Variants in C8orf76 observed in about 807,000 individuals in gnomAD.
The protein encoded by C8orf76 is uncharacterized protein C8orf76.
C8orf76 carries 46 observed loss-of-function variants against 38.1 expected under a neutral mutation model. The observed-to-expected ratio is 1.21, with a 90% CI of 0.95 to 1.54. C8orf76 has a LOEUF of 1.54. Among genes scored for constraint, C8orf76 ranks in the 40% most tolerant of loss-of-function variants. The pLI, the probability that C8orf76 is intolerant of heterozygous loss-of-function variation, is 0.00. For missense variants in C8orf76, 461 were observed against 441.6 expected (o/e 1.04, Z -0.39); for synonymous variants, 166 against 167.5 (o/e 0.99, Z 0.07).
At chr8:123,235,751 T>G (rs1586809876) in intron 3 of C8orf76, among the ~76,000 whole-genome samples, 1 of 151,842 alleles carries the variant, frequency 6.6e-6, no homozygotes, top group East Asian at 1.9e-4. Context: ...CCGAAACAGA[T>G]TCCCTAAGCT....
intron 1 of C8orf76, chr8:123,239,693 T>C (rs1825614648): frequency 6.6e-6 from 1 of 152,460 alleles, no homozygotes. Context: ...GCTTGACTAT[T>C]GAATAAATAA....
Position 123,241,215 on chromosome 8 carries a change from G to T in C8orf76, c.117+15C>A. ...CTGGGGCCCGGGATAAGGCGAAGAG[G>T]CCCCAGCTTCTCACCTGCGGCTCGC... is the stretch of plus-strand genomic sequence containing the variant. On this transcript the variant is annotated intron_variant, in intron 1 of 5. Transcript: ENST00000276704. 1 of 1,580,496 alleles carries T rather than the reference G, an allele frequency of 6.3e-7. No individual in the cohort carries two copies. Among genetic ancestry groups the T allele is most frequent in the Non-Finnish European group, 8.6e-7 (1 of 1,168,206 alleles).
intron 3 of C8orf76, among the ~76,000 whole-genome samples, chr8:123,232,993 C>T (rs932066726): frequency 4.6e-5 from 7 of 152,120 alleles, no homozygotes; most frequent in African/African-American, 1.7e-4. Flanking sequence ...TCTTCTGTAA[C>T]CAGTCTATAG....
In C8orf76 at chr8:123,239,143, C is replaced by T; in HGVS notation, c.119G>A (p.Trp40Ter). Residue 40 changes from tryptophan (W) to a stop codon, truncating the protein, a stop_gained and splice_region_variant, in exon 2 of 6, where the codon TGG (tryptophan) becomes TAG (stop). Coordinates refer to ENST00000276704, the MANE Select transcript of C8orf76 (RefSeq NM_032847.3). LOFTEE classifies it high-confidence loss of function. ...SYCAKLCEPQ[W>*]FYEETESSDD... ...ACTGCTTTCTGTTTCTTCATAAAAC[C>T]ACTTGAAATCATGAAAATAGCCTAT... The T allele has an allele frequency of 1.9e-6, 3 of 1,613,894 alleles. No individual in the cohort carries two copies. Among genetic ancestry groups the T allele is most frequent in the Non-Finnish European group, 2.5e-6 (3 of 1,179,918 alleles).
intron 4 of C8orf76, among the ~76,000 whole-genome samples, chr8:123,229,052 C>G (rs565346465): frequency 6.6e-6 from 1 of 152,358 alleles, no homozygotes; most frequent in South Asian, 2.1e-4. Context: ...CCTCTGCCAC[C>G]CTGGCACTGT....
chr8:123,226,242 A>G, intron 5 of C8orf76: 3 of 1,333,760 alleles, frequency 2.2e-6, no homozygotes, highest in Non-Finnish European at 2.9e-6. Context: ...ATTATTGGGC[A>G]TTGATGATGT....
At chr8:123,236,560 G>A (rs1411755814) in intron 3 of C8orf76, among the ~76,000 whole-genome samples, 2 of 152,056 alleles carry the variant, frequency 1.3e-5, no homozygotes, top group African/African-American at 2.4e-5. Flanking sequence ...AGGCCGAGGC[G>A]GGCGGATCAC....
At chr8:123,227,256 C>CTTTTTT (rs532233177) in intron 4 of C8orf76, among the ~76,000 whole-genome samples, 1 of 139,692 alleles carries the variant, frequency 7.2e-6, no homozygotes, top group African/African-American at 2.6e-5. Flanking sequence ...CATTTGGCTC[C>CTTTTTT]TTTTTTTTTT....
rs574167708 is a variant in C8orf76, at chr8:123,221,318, G to C, written c.949-1021C>G. The stretch of plus-strand genomic sequence containing the variant: ...CTAAAATCAAGATGTATCTGAGCCA[G>C]GTGTGGTGGTTCACATCTGTAACAC... On this transcript the variant is annotated intron_variant, in intron 5 of 5. Transcript: ENST00000276704. Among the ~76,000 whole-genome samples, 229 of 152,318 alleles carry C rather than the reference G, an allele frequency of 1.5e-3. 1 individual carries two copies. The highest frequency in any genetic ancestry group is 5.3e-3 in the African/African-American group (220 of 41,576).
chr8:123,234,298 ACAGT>A (rs1479451800), intron 3 of C8orf76, among the ~76,000 whole-genome samples: 1 of 152,102 alleles, frequency 6.6e-6, no homozygotes, highest in Non-Finnish European at 1.5e-5. Context: ...CAGGAGAGCT[ACAGT>A]CAGTTATACT....
chr8:123,233,033 T>C (rs1052621461), intron 3 of C8orf76, among the ~76,000 whole-genome samples: 4 of 152,176 alleles, frequency 2.6e-5, no homozygotes, highest in Non-Finnish European at 4.4e-5. Context: ...ACTTTTTTTT[T>C]TTTTGAGACA....
chr8:123,236,012 T>C (rs1179998611), intron 3 of C8orf76, among the ~76,000 whole-genome samples: 1 of 152,174 alleles, frequency 6.6e-6, no homozygotes, highest in Non-Finnish European at 1.5e-5. Context: ...AGGAAGTCGA[T>C]TTATCTATCT....
At chr8:123,236,871 C>A in intron 3 of C8orf76, 2 of 832,134 alleles carry the variant, frequency 2.4e-6, no homozygotes, top group African/African-American at 3.3e-5. Context: ...TTTGTGAAGA[C>A]CCTCACAGGC....
chr8:123,225,220 T>C (rs551974793), intron 5 of C8orf76, among the ~76,000 whole-genome samples: 3 of 152,304 alleles, frequency 2.0e-5, no homozygotes, highest in Non-Finnish European at 2.9e-5. Flanking sequence ...TTGGCCAGGC[T>C]GGTCTTGAGC....
chr8:123,227,169 T>C (rs184356248), intron 4 of C8orf76, among the ~76,000 whole-genome samples: 168 of 152,130 alleles, frequency 1.1e-3, no homozygotes, highest in Middle Eastern at 3.5e-3. Flanking sequence ...ACAACCACTC[T>C]GCGATACCTT....
At chr8:123,238,170 T>C (rs886481655) in intron 2 of C8orf76, among the ~76,000 whole-genome samples, 2 of 152,160 alleles carry the variant, frequency 1.3e-5, no homozygotes, top group African/African-American at 2.4e-5. Flanking sequence ...AACCCCCACA[T>C]GTTGTGGGAG....
chr8:123,221,499 G>A (rs1487792838), intron 5 of C8orf76, among the ~76,000 whole-genome samples: 3 of 152,096 alleles, frequency 2.0e-5, no homozygotes, highest in Admixed American at 1.3e-4. Flanking sequence ...ACAGTGGTGC[G>A]ATCTTGGCTC....
At chr8:123,238,477 T>C (rs1485975813) in intron 2 of C8orf76, 4 of 153,398 alleles carry the variant, frequency 2.6e-5, no homozygotes, top group Non-Finnish European at 4.4e-5. Flanking sequence ...ATCTAGTCAA[T>C]CCTACTTTCC....
chr8:123,237,062 A>G, intron 3 of C8orf76: 1 of 1,247,140 alleles, frequency 8.0e-7, no homozygotes, highest in African/African-American at 1.5e-5. Flanking sequence ...GCGAGGTGGC[A>G]TTACTGAGCC....
Sources: allele counts gnomAD v4.1 joint callset (sites outside exome capture counted in the v4.1 genomes callset), GRCh38; gene constraint gnomAD v4.1.1; transcripts MANE v1.5; gene names NCBI Gene and HGNC (gene_info 2026-07-23, HGNC 2026-07-21).